SSH2: variants seen among roughly 807,000 people sequenced by gnomAD.
SSH2 encodes the protein protein phosphatase Slingshot homolog 2.
SSH2 carries 37 observed loss-of-function variants against 135.2 expected under a neutral mutation model. That is an observed-to-expected ratio of 0.27 (90% confidence interval 0.21 to 0.36). The LOEUF (loss-of-function observed/expected upper bound fraction) is 0.36. Among genes scored for constraint, SSH2 ranks in the 10% least tolerant of loss-of-function variants. The pLI is 1.00. For synonymous variants in SSH2, 628 were observed against 646.2 expected, an observed-to-expected ratio of 0.97 and a Z score of 0.43; for missense variants, 1,408 against 1,765.3, an observed-to-expected ratio of 0.80 and a Z score of 3.63.
intron 1 of SSH2, chr17:29,863,651 C>A (rs1246298130): frequency 6.6e-6 from 1 of 152,198 alleles, no homozygotes; most frequent in Non-Finnish European, 1.5e-5. Flanking sequence ...ACCTTGACAA[C>A]TGCATTAATC....
chr17:29,887,873 T>TA (rs1187791872), intron 1 of SSH2, among the ~76,000 whole-genome samples: 1 of 152,212 alleles, frequency 6.6e-6, no homozygotes, highest in Admixed American at 6.5e-5. Context: ...TTATCTTTTA[T>TA]AAAAACTAAG....
In SSH2 at chr17:29,631,410, C is replaced by T; in HGVS notation, c.3784G>A (p.Ala1262Thr). 6.2e-7 allele frequency: 1 copy of T among 1,614,156 alleles called. No individual in the cohort carries two copies. Among genetic ancestry groups the T allele is most frequent in the Non-Finnish European group, 8.5e-7 (1 of 1,180,028 alleles). Residue 1262 changes from alanine (A) to threonine (T), a missense_variant, in exon 16 of 16, where the codon GCT (alanine) becomes ACT (threonine). Around this residue, in one of 3 missense-constraint regions of SSH2, gnomAD observed 1,080 missense variants for 1,144.5 expected, o/e 0.94. Coordinates refer to ENST00000540801, the MANE Select transcript of SSH2 (RefSeq NM_001282129.2). ...ACCACTCGAGACTCGATTTCTTTAG[C>T]ACGCTCCTTCACCACACCGGGGCTG... is the stretch of plus-strand genomic sequence containing the variant. The part of the protein sequence containing the change: ...SHSPGVVKER[A>T]KEIESRVVFQ...
chr17:29,768,289 ATTTTT>A (rs545565554), intron 3 of SSH2, among the ~76,000 whole-genome samples: 2 of 139,804 alleles, frequency 1.4e-5, no homozygotes, highest in Admixed American at 7.2e-5. Flanking sequence ...ATAAATGTAA[ATTTTT>A]TTTTTTTTTT....
At chr17:29,762,116 G>A (rs1464935700) in intron 3 of SSH2, among the ~76,000 whole-genome samples, 4 of 151,914 alleles carry the variant, frequency 2.6e-5, no homozygotes, top group East Asian at 1.9e-4. Context: ...CCTGACCTCC[G>A]GTGATCCGCC....
chr17:29,685,903 C>CA (rs1035267803), intron 5 of SSH2, among the ~76,000 whole-genome samples: 2 of 149,674 alleles, frequency 1.3e-5, no homozygotes, highest in African/African-American at 4.9e-5. Context: ...GGCTGGAGTG[C>CA]AATGGTGTGA....
chr17:29,914,887 A>G lies in SSH2; in HGVS notation c.63+15051T>C, dbSNP rs555141613. On this transcript the variant is annotated intron_variant, in intron 1 of 15. Transcript: ENST00000540801. The stretch of plus-strand genomic sequence containing the variant: ...TGTACTGTATACAACTTCTCATAAA[A>G]TAACACGAGAGAAATATATATTTGA... 2.6e-5 allele frequency among the ~76,000 whole-genome samples: 4 copies of G among 152,304 alleles called. No homozygotes were observed. The East Asian group carries it at 7.7e-4, about 29-fold the overall frequency.
chr17:29,758,337 T>A (rs1416392865), intron 3 of SSH2, among the ~76,000 whole-genome samples: 2 of 152,320 alleles, frequency 1.3e-5, no homozygotes, highest in East Asian at 3.9e-4. Context: ...TTTTGTCACT[T>A]ACTACCCATG....
Position 29,636,536 on chromosome 17 carries a change from T to C in SSH2, c.1694A>G (p.His565Arg). ...ICLEFTSREF[H>R]AGQIEDELNL... is the part of the protein sequence containing the mutation. Reference sequence around the variant, plus strand: ...TAATTCATCCTCAATCTGTCCAGCATGAAATTCCCTAGAAGTAAACTCCAA... The same window carrying C: ...TAATTCATCCTCAATCTGTCCAGCACGAAATTCCCTAGAAGTAAACTCCAA... Residue 565 changes from histidine to arginine, a missense_variant, in exon 15 of 16, where the codon CAT becomes CGT. Physicochemically the swap from His to Arg is conservative, Grantham distance 29. Around this residue, in one of 3 missense-constraint regions of SSH2, gnomAD observed 1,080 missense variants for 1,144.5 expected, o/e 0.94. Transcript: ENST00000540801. 6.2e-7 allele frequency: 1 copy of C among 1,614,210 alleles called. No homozygotes were observed. The highest frequency in any genetic ancestry group is 8.5e-7 in the Non-Finnish European group (1 of 1,180,040).
chr17:29,826,029 T>G (rs966451763), intron 2 of SSH2, among the ~76,000 whole-genome samples: 2 of 152,240 alleles, frequency 1.3e-5, no homozygotes, highest in Non-Finnish European at 2.9e-5. Context: ...AGATGTTATA[T>G]TAAGATATTT....
intron 1 of SSH2, among the ~76,000 whole-genome samples, chr17:29,916,128 AT>A (rs746603267): frequency 6.6e-5 from 10 of 152,272 alleles, no homozygotes; most frequent in African/African-American, 1.9e-4. Flanking sequence ...CATAAAAAAA[AT>A]AACTTCCCCA....
chr17:29,791,412 C>T (rs2042062415), intron 3 of SSH2, among the ~76,000 whole-genome samples: 1 of 152,152 alleles, frequency 6.6e-6, no homozygotes, highest in Non-Finnish European at 1.5e-5. Context: ...AATGCAATGT[C>T]TTCTTTGTTA....
intron 14 of SSH2, chr17:29,640,605 A>G (rs560123923): frequency 2.0e-5 from 3 of 152,286 alleles, no homozygotes; most frequent in African/African-American, 7.2e-5. Flanking sequence ...GAGAGAAAAA[A>G]AAAACAATCT....
chr17:29,691,651 C>G (rs191361555), intron 5 of SSH2, among the ~76,000 whole-genome samples: 2 of 151,650 alleles, frequency 1.3e-5, no homozygotes, highest in African/African-American at 4.8e-5. Flanking sequence ...CCACCACGCC[C>G]GGCTAATTTT....
intron 2 of SSH2, among the ~76,000 whole-genome samples, chr17:29,807,895 A>G (rs1440827996): frequency 7.7e-6 from 1 of 130,658 alleles, no homozygotes; most frequent in Non-Finnish European, 1.6e-5. Flanking sequence ...GAGAAAAGTT[A>G]GGTAGTTTTT....
chr17:29,838,206 A>G (rs148551027), intron 2 of SSH2, among the ~76,000 whole-genome samples: 1 of 152,344 alleles, frequency 6.6e-6, no homozygotes, highest in East Asian at 1.9e-4. Context: ...ACGTGTATGC[A>G]TGCTCAAGGC....
intron 1 of SSH2, 65 bp downstream of exon 1, chr17:29,929,873 C>T (rs2067152753): frequency 2.0e-6 from 3 of 1,466,134 alleles, no homozygotes; most frequent in South Asian, 2.4e-5. Context: ...TTCGGCGGGA[C>T]CCGCTGAGGC....
chr17:29,754,482 A>C (rs1362581218), intron 3 of SSH2, among the ~76,000 whole-genome samples: 1 of 152,200 alleles, frequency 6.6e-6, no homozygotes, highest in Non-Finnish European at 1.5e-5. Context: ...CTTAGAAAGC[A>C]CTCATGTGCT....
chr17:29,782,078 T>A (rs1384639446), intron 3 of SSH2, among the ~76,000 whole-genome samples: 1 of 151,964 alleles, frequency 6.6e-6, no homozygotes, highest in East Asian at 1.9e-4. Context: ...ACTCCTGACC[T>A]CAGATGATCT....
At chr17:29,706,016 G>A (rs141894032) in intron 3 of SSH2, among the ~76,000 whole-genome samples, 30 of 152,278 alleles carry the variant, frequency 2.0e-4, no homozygotes, top group Admixed American at 5.9e-4. Flanking sequence ...CTGCAGCACT[G>A]GAAATAGTCT....
Sources: gnomAD v4.1 joint callset for allele counts (sites outside exome capture counted in the v4.1 genomes callset) on GRCh38, gnomAD v4.1.1 for gene constraint, gnomAD v4.1.1 regional missense constraint, MANE v1.5 for transcripts, NCBI Gene and HGNC (gene_info 2026-07-23, HGNC 2026-07-21) for gene names.